The following CNOT6L variants were observed in gnomAD, a reference collection of about 807,000 sequenced individuals.
The protein encoded by CNOT6L is CCR4-NOT transcription complex subunit 6-like.
A neutral mutation model predicts 64.0 loss-of-function variants in CNOT6L; 7 were observed. That is an observed-to-expected ratio of 0.11 (90% CI 0.06 to 0.21). The LOEUF (loss-of-function observed/expected upper bound fraction) is 0.21, where lower values mean the gene tolerates loss of function less well. CNOT6L is among the 10% of genes least tolerant of loss of function. The pLI, the probability that CNOT6L is intolerant of heterozygous loss-of-function variation, is 1.00. For missense variants in CNOT6L, 245 were observed against 669.0 expected, an observed-to-expected ratio of 0.37 and a Z score of 6.99; for synonymous variants, 193 against 243.4, an observed-to-expected ratio of 0.79 and a Z score of 1.93.
intron 4 of CNOT6L, among the ~76,000 whole-genome samples, chr4:77,760,226 T>C (rs1229894325): frequency 1.3e-5 from 2 of 151,906 alleles, no homozygotes; most frequent in Admixed American, 1.3e-4. Context: ...AAAAAAATTA[T>C]TTAACTGGGC....
chr4:77,816,003 C>T (rs1733530603), intron 1 of CNOT6L, among the ~76,000 whole-genome samples: 1 of 152,148 alleles, frequency 6.6e-6, no homozygotes, highest in Non-Finnish European at 1.5e-5. Flanking sequence ...GTAATACATA[C>T]AGAAATTCCT....
chr4:77,793,131 T>G (rs1730358655), intron 1 of CNOT6L, among the ~76,000 whole-genome samples: 1 of 151,934 alleles, frequency 6.6e-6, no homozygotes, highest in Admixed American at 6.6e-5. Flanking sequence ...AAAAAGCATT[T>G]AGAAAATCAA....
intron 11 of CNOT6L, among the ~76,000 whole-genome samples, chr4:77,722,520 G>A (rs974145239): frequency 1.3e-4 from 20 of 152,222 alleles, no homozygotes; most frequent in Admixed American, 1.2e-3. Context: ...CTTAGAACAC[G>A]CCACTGTACT....
intron 1 of CNOT6L, among the ~76,000 whole-genome samples, chr4:77,793,786 GGTA>G (rs1419562977): frequency 6.6e-6 from 1 of 152,008 alleles, no homozygotes; most frequent in East Asian, 1.9e-4. Flanking sequence ...AGAGTGTACA[GGTA>G]TATGCGTTAT....
chr4:77,715,902 A>C lies in CNOT6L; in HGVS notation c.*4529T>G, dbSNP rs371593745. On this transcript the variant is annotated 3_prime_UTR_variant, in exon 12 of 12. Transcript: ENST00000504123. The stretch of plus-strand genomic sequence containing the variant: ...GATTAAAGATGTACTAAAATGTTTG[A>C]ATTAATTTTGGTGATCATGATGCTA... 15 of 152,566 alleles carry C rather than the reference A, an allele frequency of 9.8e-5. No homozygotes were observed. The East Asian group carries it at 1.9e-3, about 20-fold the overall frequency. 9.5% of individuals were successfully genotyped at this position (152,566 alleles called of 1,614,324 possible).
At chr4:77,742,917 G>T (rs951113113) in intron 7 of CNOT6L, among the ~76,000 whole-genome samples, 6 of 152,028 alleles carry the variant, frequency 3.9e-5, no homozygotes, top group Non-Finnish European at 5.9e-5. Context: ...TATGTATGCA[G>T]ATGTTTCTAA....
intron 1 of CNOT6L, among the ~76,000 whole-genome samples, chr4:77,793,070 T>C (rs1268773662): frequency 6.6e-6 from 1 of 151,542 alleles, no homozygotes; most frequent in South Asian, 2.1e-4. Flanking sequence ...AGGTTAAAAA[T>C]CCCTGCACAA....
intron 7 of CNOT6L, among the ~76,000 whole-genome samples, chr4:77,743,264 T>G (rs979439480): frequency 9.2e-5 from 14 of 152,100 alleles, no homozygotes; most frequent in Non-Finnish European, 1.5e-5. Flanking sequence ...ATTGCTTTTA[T>G]AATAAGACAA....
At chr4:77,729,679 G>A (rs1577922995) in intron 9 of CNOT6L, among the ~76,000 whole-genome samples, 1 of 152,122 alleles carries the variant, frequency 6.6e-6, no homozygotes, top group African/African-American at 2.4e-5. Flanking sequence ...ATTATTTTAT[G>A]TAGTTTTGGG....
intron 1 of CNOT6L, among the ~76,000 whole-genome samples, chr4:77,811,452 C>G (rs1417691682): frequency 6.6e-6 from 1 of 152,080 alleles, no homozygotes; most frequent in Non-Finnish European, 1.5e-5. Flanking sequence ...GAGGCTGAGG[C>G]AGGAGAATCA....
At chr4:77,723,500 C>A (rs1333369007) in intron 11 of CNOT6L, among the ~76,000 whole-genome samples, 1 of 152,114 alleles carries the variant, frequency 6.6e-6, no homozygotes, top group Non-Finnish European at 1.5e-5. Context: ...ACTGGGATAG[C>A]ATTAACTATG....
At chr4:77,739,636 T>C (rs909718864) in intron 8 of CNOT6L, among the ~76,000 whole-genome samples, 1 of 152,206 alleles carries the variant, frequency 6.6e-6, no homozygotes, top group African/African-American at 2.4e-5. Context: ...AGGAGGTATA[T>C]AGTCCTGTCA....
intron 4 of CNOT6L, among the ~76,000 whole-genome samples, chr4:77,770,071 C>A (rs574104621): frequency 6.6e-6 from 1 of 152,212 alleles, no homozygotes; most frequent in African/African-American, 2.4e-5. Flanking sequence ...ACTAGACTGG[C>A]GGTGTCTGTG....
chr4:77,727,279 G>A (rs140237424), intron 10 of CNOT6L, among the ~76,000 whole-genome samples: 22 of 152,144 alleles, frequency 1.4e-4, no homozygotes, highest in Admixed American at 5.9e-4. Flanking sequence ...GAAGAACTAG[G>A]CTGGGTGCGG....
chr4:77,768,474 A>AATATATATATATAT lies in CNOT6L; in HGVS notation c.400+4593_400+4606dup, dbSNP rs1193284066. ...AGTGAGACTCTGTCTAAAATAAATAAATATATATATATATATATATATATA... is the reference window on the plus strand; with the variant it reads ...AGTGAGACTCTGTCTAAAATAAATAAATATATATATATATATATATATATATATATATATATATA... On this transcript the variant is annotated intron_variant, in intron 4 of 11. Transcript: ENST00000504123. 4.9e-3 allele frequency among the ~76,000 whole-genome samples: 63 copies of AATATATATATATAT among 12,960 alleles called. 1 individual carries two copies. Among genetic ancestry groups the AATATATATATATAT allele is most frequent in the East Asian group, 0.012 (4 of 342 alleles). The allele number at this position is 12,960 out of a possible 152,430, so 8.5% of individuals were successfully genotyped here.
intron 4 of CNOT6L, among the ~76,000 whole-genome samples, chr4:77,762,647 A>G (rs1726370339): frequency 6.6e-6 from 1 of 152,196 alleles, no homozygotes; most frequent in Non-Finnish European, 1.5e-5. Flanking sequence ...ATATTCCATT[A>G]TATGGATGTG....
At chr4:77,741,798 C>G (rs1428927574) in intron 8 of CNOT6L, among the ~76,000 whole-genome samples, 1 of 151,990 alleles carries the variant, frequency 6.6e-6, no homozygotes, top group Non-Finnish European at 1.5e-5. Context: ...AAAAGAAACC[C>G]AGATCACTTA....
chr4:77,730,858 G>C (rs1270678665), intron 9 of CNOT6L, among the ~76,000 whole-genome samples: 1 of 152,070 alleles, frequency 6.6e-6, no homozygotes, highest in East Asian at 1.9e-4. Context: ...AAAAAGGTCT[G>C]TGTATGAAGT....
At position 77,718,571 on chromosome 4, in the gene CNOT6L, T is replaced by C. The variant is rs548186264; in HGVS notation, c.*1860A>G. The stretch of plus-strand genomic sequence containing the variant: ...CTGAACTACAATGACATTCCAATTA[T>C]AATAGATGACAAACAACGCCTCTAT... On this transcript the variant is annotated 3_prime_UTR_variant, in exon 12 of 12. Coordinates refer to ENST00000504123, the MANE Select transcript of CNOT6L (RefSeq NM_144571.3). 1.3e-5 allele frequency: 2 copies of C among 152,684 alleles called. No homozygotes were observed. The highest frequency in any genetic ancestry group is 3.9e-4 in the East Asian group (2 of 5,180). The allele number at this position is 152,684 out of a possible 1,614,324, so 9.5% of individuals were successfully genotyped here. A position where few individuals can be genotyped will look rare whatever the true frequency, so the allele number is the denominator to read the frequency against.
Sources: gnomAD v4.1 joint callset for allele counts (sites outside exome capture counted in the v4.1 genomes callset) on GRCh38, gnomAD v4.1.1 for gene constraint, MANE v1.5 for transcripts, NCBI Gene and HGNC (gene_info 2026-07-23, HGNC 2026-07-21) for gene names.